FOXN3: variants seen among roughly 807,000 people sequenced by gnomAD.
FOXN3 encodes forkhead box protein N3.
In FOXN3, 7 loss-of-function variants were observed where a neutral mutation model predicts 38.4. That is an observed-to-expected ratio of 0.18 (90% CI 0.10 to 0.34). The LOEUF (loss-of-function observed/expected upper bound fraction) is 0.34. Among genes scored for constraint, FOXN3 ranks in the 10% least tolerant of loss-of-function variants. The pLI is 1.00. For missense variants in FOXN3, 456 were observed against 613.4 expected (o/e 0.74, Z 2.71); for synonymous variants, 230 against 242.2 (o/e 0.95, Z 0.47).
intron 1 of FOXN3, among the ~76,000 whole-genome samples, chr14:89,602,589 C>T (rs958625759): frequency 2.6e-5 from 4 of 151,878 alleles, no homozygotes; most frequent in Non-Finnish European, 2.9e-5. Flanking sequence ...CTCCGCCCCC[C>T]GAGTTCAAGT....
chr14:89,416,166 T>C (rs1291902596), intron 1 of FOXN3, among the ~76,000 whole-genome samples: 1 of 152,134 alleles, frequency 6.6e-6, no homozygotes, highest in East Asian at 1.9e-4. Flanking sequence ...TCGTCTACTG[T>C]ACTTGTCAAA....
intron 3 of FOXN3, among the ~76,000 whole-genome samples, chr14:89,326,476 C>T (rs1228287410): frequency 6.6e-6 from 1 of 152,210 alleles, no homozygotes; most frequent in Non-Finnish European, 1.5e-5. Flanking sequence ...CCACAATCCT[C>T]TGGCTGCCCG....
At chr14:89,283,805 C>A (rs118100627) in intron 3 of FOXN3, among the ~76,000 whole-genome samples, 1 of 152,186 alleles carries the variant, frequency 6.6e-6, no homozygotes, top group Non-Finnish European at 1.5e-5. Context: ...AGTAATCAAC[C>A]CTTTTCCATG....
intron 1 of FOXN3, among the ~76,000 whole-genome samples, chr14:89,603,104 T>C (rs1896191642): frequency 6.6e-6 from 1 of 152,052 alleles, no homozygotes; most frequent in Admixed American, 6.6e-5. Flanking sequence ...CTTACCAAGT[T>C]CTAGCTAATG....
At chr14:89,428,343 A>T (rs984453532) in intron 1 of FOXN3, among the ~76,000 whole-genome samples, 1 of 152,154 alleles carries the variant, frequency 6.6e-6, no homozygotes, top group Non-Finnish European at 1.5e-5. Context: ...CCTTCCCAAA[A>T]TAGTGTATCT....
At chr14:89,203,624 G>A (rs7147651) in intron 4 of FOXN3, among the ~76,000 whole-genome samples, 72,203 of 152,084 alleles carry the variant, frequency 0.47, 17,933 homozygotes, top group African/African-American at 0.63. Flanking sequence ...AAGCGGGGGC[G>A]TGTGGTATGA....
chr14:89,474,381 C>T (rs1893167452), intron 1 of FOXN3, among the ~76,000 whole-genome samples: 1 of 152,314 alleles, frequency 6.6e-6, no homozygotes, highest in Admixed American at 6.5e-5. Flanking sequence ...TTGTAATTTA[C>T]ACCTACATTC....
At position 89,158,139 on chromosome 14, in the gene FOXN3, G is replaced by A. The variant is rs1887020271; in HGVS notation, c.*4275C>T. 6.6e-6 allele frequency: 1 copy of A among 152,242 alleles called. No homozygotes were observed. The highest frequency in any genetic ancestry group is 6.5e-5 in the Admixed American group (1 of 15,282). 9.4% of individuals were successfully genotyped at this position (152,242 alleles called of 1,614,324 possible). ...ATTCCTTCTCCAAGAGCCCTTCCAGGAGAGGCCCAAGGCGCCCCCCACAGA... is the reference window on the plus strand; with the variant it reads ...ATTCCTTCTCCAAGAGCCCTTCCAGAAGAGGCCCAAGGCGCCCCCCACAGA... On this transcript the variant is annotated 3_prime_UTR_variant, in exon 6 of 6. Transcript: ENST00000557258.
intron 4 of FOXN3, among the ~76,000 whole-genome samples, chr14:89,239,048 G>A (rs1297421639): frequency 6.6e-6 from 1 of 152,148 alleles, no homozygotes; most frequent in African/African-American, 2.4e-5. Flanking sequence ...TCAACCAGGG[G>A]GAAAAGGCAG....
intron 2 of FOXN3, among the ~76,000 whole-genome samples, chr14:89,389,945 C>G (rs1890891488): frequency 6.6e-6 from 1 of 151,984 alleles, no homozygotes; most frequent in Non-Finnish European, 1.5e-5. Context: ...TCTGGCCAGG[C>G]ACAGTGGCTC....
At chr14:89,518,223 C>T (rs1172187062) in intron 1 of FOXN3, among the ~76,000 whole-genome samples, 1 of 152,220 alleles carries the variant, frequency 6.6e-6, no homozygotes, top group African/African-American at 2.4e-5. Flanking sequence ...TGACCTTCGA[C>T]AGTCTCCTGC....
intron 4 of FOXN3, among the ~76,000 whole-genome samples, chr14:89,215,342 T>G (rs1884237432): frequency 8.9e-6 from 1 of 112,338 alleles, no homozygotes; most frequent in Admixed American, 9.8e-5. Flanking sequence ...GTTAGGAGAA[T>G]AGAGATTTTT....
chr14:89,485,103 G>C (rs764062421), intron 1 of FOXN3, among the ~76,000 whole-genome samples: 7 of 149,448 alleles, frequency 4.7e-5, no homozygotes, highest in Non-Finnish European at 7.4e-5. Context: ...AGTGAGCAGA[G>C]ATGGCGCCAC....
chr14:89,510,683 C>A (rs999083073), intron 1 of FOXN3, among the ~76,000 whole-genome samples: 1 of 152,054 alleles, frequency 6.6e-6, no homozygotes, highest in African/African-American at 2.4e-5. Context: ...TGGCTCACAC[C>A]GTAATCCCGG....
At chr14:89,227,526 G>T (rs552847242) in intron 4 of FOXN3, among the ~76,000 whole-genome samples, 1 of 152,106 alleles carries the variant, frequency 6.6e-6, no homozygotes, top group South Asian at 2.1e-4. Context: ...GAAATGTGGC[G>T]GGTCAGTCAT....
At chr14:89,273,262 A>T (rs148933342) in intron 4 of FOXN3, among the ~76,000 whole-genome samples, 2 of 152,084 alleles carry the variant, frequency 1.3e-5, no homozygotes, top group Admixed American at 6.5e-5. Context: ...TCCACCTCCT[A>T]CTGAACAGTT....
At chr14:89,511,282 T>C (rs370890195) in intron 1 of FOXN3, among the ~76,000 whole-genome samples, 3,111 of 62,614 alleles carry the variant, frequency 0.05, 946 homozygotes, top group Non-Finnish European at 0.065. Flanking sequence ...TTTCTTTCTT[T>C]CTTTCTTTCT....
At chr14:89,477,032 C>T (rs932150832) in intron 1 of FOXN3, among the ~76,000 whole-genome samples, 5 of 152,050 alleles carry the variant, frequency 3.3e-5, no homozygotes, top group Non-Finnish European at 7.4e-5. Flanking sequence ...TAGGGACAGG[C>T]GTATGTACAT....
intron 4 of FOXN3, among the ~76,000 whole-genome samples, chr14:89,192,667 T>C (rs1215286904): frequency 1.4e-5 from 2 of 142,194 alleles, no homozygotes; most frequent in Non-Finnish European, 1.5e-5. Context: ...TATACTATTA[T>C]ATATAATAGT....
Sources: gnomAD v4.1 joint callset for allele counts (sites outside exome capture counted in the v4.1 genomes callset) on GRCh38, gnomAD v4.1.1 for gene constraint, MANE v1.5 for transcripts, NCBI Gene and HGNC (gene_info 2026-07-23, HGNC 2026-07-21) for gene names.